The following COLEC12 variants were observed in gnomAD, a reference collection of about 807,000 sequenced individuals.
COLEC12 encodes the protein collectin subfamily member 12.
In COLEC12, 33 loss-of-function variants were observed where a neutral mutation model predicts 71.1. The ratio of observed to expected loss-of-function variants is 0.46; its 90% CI spans 0.35 to 0.62. COLEC12 has a LOEUF of 0.62. Ranked by LOEUF, COLEC12 falls within the 20% of genes least tolerant of loss-of-function variation. The pLI is 0.00. For synonymous variants in COLEC12, 350 were observed against 353.0 expected (o/e 0.99, Z 0.10); for missense variants, 765 against 916.1 (o/e 0.84, Z 2.13).
chr18:355,542 G>A (rs1273669473), intron 3 of COLEC12, among the ~76,000 whole-genome samples: 1 of 152,184 alleles, frequency 6.6e-6, no homozygotes, highest in Admixed American at 6.5e-5. Flanking sequence ...GACTCTTTTT[G>A]TATAATTCTG....
At chr18:461,067 C>T (rs1916974306) in intron 2 of COLEC12, among the ~76,000 whole-genome samples, 1 of 152,172 alleles carries the variant, frequency 6.6e-6, no homozygotes, top group African/African-American at 2.4e-5. Flanking sequence ...CCTGGTCTTT[C>T]TGCAGTGATG....
chr18:455,265 G>A (rs1352227265), intron 2 of COLEC12, among the ~76,000 whole-genome samples: 3 of 145,890 alleles, frequency 2.1e-5, no homozygotes, highest in Non-Finnish European at 3.0e-5. Context: ...TTTTTGTTTT[G>A]TTTTATTTTA....
Position 318,966 on chromosome 18 carries a change from CA to C in COLEC12, c.*1078del, listed in dbSNP as rs58881684. On this transcript the variant is annotated 3_prime_UTR_variant, in exon 10 of 10. Transcript: ENST00000400256. ...TCTCTGCCTTTGGCTGATGTGACGC[CA>C]TACGTTCCTGACAGTTAATGTTGGC... 37,576 of 151,986 alleles carry C rather than the reference CA, an allele frequency of 0.25. 4,909 individuals carry two copies. The highest frequency in any genetic ancestry group is 0.29 in the Middle Eastern group (85 of 294). 9.4% of individuals were successfully genotyped at this position (151,986 alleles called of 1,614,324 possible).
chr18:491,967 T>C (rs899725), intron 1 of COLEC12, among the ~76,000 whole-genome samples: 107,122 of 152,072 alleles, frequency 0.7, 38,122 homozygotes, highest in African/African-American at 0.79. Context: ...TGTATTCTCC[T>C]GGTGAATGAA....
chr18:382,027 T>C (rs1915243580), intron 2 of COLEC12, among the ~76,000 whole-genome samples: 1 of 151,826 alleles, frequency 6.6e-6, no homozygotes. Context: ...ACTGCAACCA[T>C]GGGGGAGACA....
chr18:345,561 T>G (rs1914352634), intron 5 of COLEC12, among the ~76,000 whole-genome samples: 1 of 152,230 alleles, frequency 6.6e-6, no homozygotes, highest in African/African-American at 2.4e-5. Context: ...CTCTGTGACC[T>G]TACTGTGACC....
At chr18:499,418 A>G (rs1917776119) in intron 1 of COLEC12, among the ~76,000 whole-genome samples, 1 of 152,198 alleles carries the variant, frequency 6.6e-6, no homozygotes, top group Admixed American at 6.5e-5. Flanking sequence ...TCAGAAAAAA[A>G]ACTTTCCAGA....
chr18:355,023 T>C (rs1253977215), intron 3 of COLEC12, among the ~76,000 whole-genome samples: 2 of 151,778 alleles, frequency 1.3e-5, no homozygotes, highest in African/African-American at 4.9e-5. Flanking sequence ...GCAGCCCTAA[T>C]GCACAATCCA....
intron 2 of COLEC12, among the ~76,000 whole-genome samples, chr18:412,236 T>G (rs1915906386): frequency 6.6e-6 from 1 of 152,098 alleles, no homozygotes; most frequent in African/African-American, 2.4e-5. Flanking sequence ...AACACCTTAC[T>G]TATATTGGAA....
At chr18:420,806 G>C (rs2846652) in intron 2 of COLEC12, among the ~76,000 whole-genome samples, 139,217 of 152,070 alleles carry the variant, frequency 0.92, 64,465 homozygotes, top group East Asian at 1. Context: ...CCAGGGCTAG[G>C]TAATTCTCAA....
intron 8 of COLEC12, among the ~76,000 whole-genome samples, chr18:330,489 GTT>G (rs5822557): frequency 3.4e-5 from 5 of 147,454 alleles, no homozygotes; most frequent in African/African-American, 1.0e-4. Context: ...TACTCAGAGG[GTT>G]TTTTTTTTTT....
intron 1 of COLEC12, among the ~76,000 whole-genome samples, chr18:483,904 C>T (rs1038029565): frequency 6.6e-5 from 10 of 152,154 alleles, no homozygotes; most frequent in Non-Finnish European, 8.8e-5. Flanking sequence ...ATCAGTGGTA[C>T]CCAGACATCC....
chr18:335,588 G>A (rs887532948), intron 5 of COLEC12, among the ~76,000 whole-genome samples: 5 of 152,136 alleles, frequency 3.3e-5, no homozygotes, highest in Non-Finnish European at 7.3e-5. Context: ...AGGAAAGATC[G>A]CTTGAGGGCA....
chr18:348,847 G>A (rs1385076883), intron 3 of COLEC12, among the ~76,000 whole-genome samples: 3 of 152,136 alleles, frequency 2.0e-5, no homozygotes, highest in Non-Finnish European at 2.9e-5. Context: ...GCATATGATA[G>A]GGAAAGTAAT....
chr18:334,652 A>G, intron 6 of COLEC12, 90 bp downstream of exon 6: 1 of 1,194,898 alleles, frequency 8.4e-7, no homozygotes, highest in Non-Finnish European at 1.1e-6. Context: ...AACAAAAATA[A>G]CATGGGTGGG....
chr18:359,450 T>G (rs557208816), intron 2 of COLEC12, among the ~76,000 whole-genome samples: 128 of 152,362 alleles, frequency 8.4e-4, no homozygotes, highest in African/African-American at 3.0e-3. Context: ...ACAGTGACCC[T>G]TATATTAGTT....
At chr18:368,207 C>T (rs932521771) in intron 2 of COLEC12, among the ~76,000 whole-genome samples, 5 of 152,142 alleles carry the variant, frequency 3.3e-5, no homozygotes, top group Admixed American at 1.3e-4. Flanking sequence ...TGGGAACATA[C>T]GTTTGTACAC....
chr18:474,351 A>T (rs1567919126), intron 2 of COLEC12, among the ~76,000 whole-genome samples: 1 of 152,228 alleles, frequency 6.6e-6, no homozygotes, highest in African/African-American at 2.4e-5. Flanking sequence ...TCCACGAAGG[A>T]GCGTTTAATG....
chr18:500,475 G>T lies in COLEC12; in HGVS notation c.7+33C>A, dbSNP rs757410856. On this transcript the variant is annotated intron_variant, in intron 1 of 9. Coordinates refer to ENST00000400256, the MANE Select transcript of COLEC12 (RefSeq NM_130386.3). This position sits in a 1 kb window ranked among gnomAD's most constrained non-coding sequence, Gnocchi z 5.3. ...GCGCGCCCCGAAGCCCGTTCCCCCC[G>T]CCCAGAGCCCCGCGGAGCTGCCGCC... 5.9e-6 allele frequency: 7 copies of T among 1,183,972 alleles called. No individual in the cohort carries two copies. The East Asian group carries it at 2.1e-4, about 36-fold the overall frequency. 73.3% of individuals were successfully genotyped at this position (1,183,972 alleles called of 1,614,324 possible). A position where few individuals can be genotyped will look rare whatever the true frequency, so the allele number is the denominator to read the frequency against.
Sources: allele counts gnomAD v4.1 joint callset (sites outside exome capture counted in the v4.1 genomes callset), GRCh38; gene constraint gnomAD v4.1.1; non-coding constraint Gnocchi (gnomAD v3.1); transcripts MANE v1.5; gene names NCBI Gene and HGNC (gene_info 2026-07-23, HGNC 2026-07-21).